RDX: variants seen among roughly 807,000 people sequenced by gnomAD.
RDX encodes the protein radixin.
Under a neutral mutation model 83.7 loss-of-function variants are expected in RDX, and 32 were observed. That is an observed-to-expected ratio of 0.38 (90% CI 0.29 to 0.51). The LOEUF is 0.51. Among genes scored for constraint, RDX ranks in the 20% least tolerant of loss-of-function variants. The probability of loss-of-function intolerance (pLI) is 0.87; values close to 1 mark genes in which losing one functional copy is unlikely to be tolerated. For missense variants in RDX, 600 were observed against 689.9 expected, an observed-to-expected ratio of 0.87 and a Z score of 1.46; for synonymous variants, 229 against 222.7, an observed-to-expected ratio of 1.03 and a Z score of -0.25.
intron 15 of RDX, among the ~76,000 whole-genome samples, chr11:110,190,313 G>A (rs529881720): frequency 1.3e-5 from 2 of 152,258 alleles, no homozygotes; most frequent in South Asian, 4.2e-4. Context: ...TGTGGTGCAT[G>A]CCTGTAATCC....
chr11:110,229,380 A>G (rs1864538760), downstream of RDX: 1 of 152,386 alleles, frequency 6.6e-6, no homozygotes, highest in Non-Finnish European at 1.5e-5. Flanking sequence ...CATGGCTGTG[A>G]TAAAGATTGT....
At position 110,257,850 on chromosome 11, in the gene RDX, A is replaced by C. The variant is rs1859608705; in HGVS notation, c.615T>G (p.Tyr205Ter). 6.2e-7 allele frequency: 1 copy of C among 1,612,624 alleles called. No individual in the cohort carries two copies. Among genetic ancestry groups the C allele is most frequent in the Non-Finnish European group, 8.5e-7 (1 of 1,179,034 alleles). Residue 205 changes from tyrosine (Y) to a stop codon, truncating the protein, a stop_gained, in exon 7 of 14, where the codon TAT becomes TAG. Transcript: ENST00000645495. LOFTEE classifies it high-confidence loss of function. ...AQDLEMYGVN[Y>*]FEIKNKKGTE... Reference sequence around the variant, plus strand: ...TTCCTTTTTTATTTTTTATTTCAAAATAGTTGACTCCATACATTTCTAGAT... The same window carrying C: ...TTCCTTTTTTATTTTTTATTTCAAACTAGTTGACTCCATACATTTCTAGAT...
intron 15 of RDX, chr11:110,185,086 GTCTT>G (rs1196845827): frequency 2.6e-5 from 4 of 152,266 alleles, no homozygotes; most frequent in Admixed American, 1.3e-4. Context: ...TTATTAAAAA[GTCTT>G]TATTTGTGCA....
chr11:110,274,371 T>C (rs540878907), intron 2 of RDX, among the ~76,000 whole-genome samples: 20 of 152,348 alleles, frequency 1.3e-4, no homozygotes, highest in Non-Finnish European at 2.4e-4. Flanking sequence ...CGTAAATATA[T>C]GTATCTGTTT....
chr11:110,176,994 G>A (rs986035895), intron 15 of RDX, among the ~76,000 whole-genome samples: 3 of 152,176 alleles, frequency 2.0e-5, no homozygotes, highest in Admixed American at 1.3e-4. Context: ...CCCTTCCACC[G>A]TGACTGAAGC....
rs185614260 is a variant in RDX, at chr11:110,276,633, A to C, written c.12+3048T>G. ...CATGACTATGGTTTTCTCACTGTAC[A>C]TTGACTTAGATCTCCTTTAATGACT... On this transcript the variant is annotated intron_variant, in intron 2 of 13. Transcript: ENST00000645495. Among the ~76,000 whole-genome samples the C allele has an allele frequency of 1.1e-4, 17 of 152,296 alleles. No homozygotes were observed. The East Asian group carries it at 2.9e-3, about 26-fold the overall frequency.
At chr11:110,223,785 G>T (rs888455446) in intron 14 of RDX, among the ~76,000 whole-genome samples, 8 of 152,126 alleles carry the variant, frequency 5.3e-5, no homozygotes, top group African/African-American at 1.9e-4. Flanking sequence ...AAAAATCTAG[G>T]CTGGGAGCAG....
chr11:110,266,100 G>A (rs1052170002), intron 3 of RDX, among the ~76,000 whole-genome samples: 13 of 151,782 alleles, frequency 8.6e-5, no homozygotes, highest in South Asian at 2.1e-4. Context: ...CGAGGCGGGC[G>A]GATCACAAAG....
chr11:110,295,319 AAAAAAAAAG>A (rs1861402052), intron 1 of RDX, among the ~76,000 whole-genome samples: 1 of 151,470 alleles, frequency 6.6e-6, no homozygotes, highest in African/African-American at 2.4e-5. Flanking sequence ...AAAAAAAAAA[AAAAAAAAAG>A]AAGTATGCTC....
At chr11:110,268,164 C>T (rs1374017281) in intron 3 of RDX, among the ~76,000 whole-genome samples, 4 of 151,650 alleles carry the variant, frequency 2.6e-5, no homozygotes, top group Admixed American at 6.6e-5. Flanking sequence ...AAAAATTAGC[C>T]GGGCATGGTG....
chr11:110,182,584 GAGCC>G (rs1355849777), intron 15 of RDX, among the ~76,000 whole-genome samples: 1 of 152,182 alleles, frequency 6.6e-6, no homozygotes, highest in African/African-American at 2.4e-5. Flanking sequence ...CAGGGTGACA[GAGCC>G]AGCCCCTGTC....
At chr11:110,178,988 T>A (rs1023144463) in intron 15 of RDX, among the ~76,000 whole-genome samples, 1 of 152,096 alleles carries the variant, frequency 6.6e-6, no homozygotes, top group Non-Finnish European at 1.5e-5. Context: ...GAGTTTGGGG[T>A]CCCTGCAAAC....
At chr11:110,227,502 A>G (rs1351018109), downstream of RDX, among the ~76,000 whole-genome samples, 1 of 152,210 alleles carries the variant, frequency 6.6e-6, no homozygotes, top group Non-Finnish European at 1.5e-5. Flanking sequence ...AATAAGTTGC[A>G]CTGATAGAAG....
chr11:110,181,616 A>G (rs1415024305), intron 15 of RDX, among the ~76,000 whole-genome samples: 1 of 152,256 alleles, frequency 6.6e-6, no homozygotes, highest in Non-Finnish European at 1.5e-5. Context: ...GAATGGGGGC[A>G]TGGCCCCTGT....
At chr11:110,290,263 G>GC (rs1348181477) in intron 1 of RDX, among the ~76,000 whole-genome samples, 4 of 152,020 alleles carry the variant, frequency 2.6e-5, no homozygotes, top group Admixed American at 2.0e-4. Flanking sequence ...GGTGGCTCAC[G>GC]CCTGTAATCC....
intron 1 of RDX, among the ~76,000 whole-genome samples, chr11:110,284,956 T>C (rs1185629248): frequency 6.6e-6 from 1 of 152,256 alleles, no homozygotes; most frequent in Admixed American, 6.5e-5. Context: ...AAATTGCTTA[T>C]ACATATCTTT....
chr11:110,279,653 A>G (rs1245967001), intron 2 of RDX, 28 bp downstream of exon 2: 2 of 1,423,390 alleles, frequency 1.4e-6, no homozygotes, highest in Non-Finnish European at 9.9e-7. Context: ...TTATTGAGAC[A>G]CTGTCAAATG....
At chr11:110,268,066 T>C (rs1860132835) in intron 3 of RDX, among the ~76,000 whole-genome samples, 1 of 151,882 alleles carries the variant, frequency 6.6e-6, no homozygotes, top group Admixed American at 6.6e-5. Context: ...TCTCGGCACT[T>C]TGGGAGGCTG....
Position 110,264,210 on chromosome 11 carries a change from C to CT in RDX, c.216dup (p.Glu73ArgfsTer9). Reference sequence around the variant, plus strand: ...CTAAACTTGAACTGTAAAGGATTCTCTTTTTTAACATCCTGCTGTGTTACC... The same window carrying CT: ...CTAAACTTGAACTGTAAAGGATTCTCTTTTTTTAACATCCTGCTGTGTTACC... On this transcript the variant is annotated frameshift_variant, in exon 5 of 14. Coordinates refer to ENST00000645495, the MANE Select transcript of RDX (RefSeq NM_002906.4). LOFTEE classifies it high-confidence loss of function. 2 of 1,607,512 alleles carry CT rather than the reference C, an allele frequency of 1.2e-6. No individual in the cohort carries two copies. The highest frequency in any genetic ancestry group is 8.5e-7 in the Non-Finnish European group (1 of 1,176,626).
Sources: allele counts gnomAD v4.1 joint callset (sites outside exome capture counted in the v4.1 genomes callset), GRCh38; gene constraint gnomAD v4.1.1; transcripts MANE v1.5; gene names NCBI Gene and HGNC (gene_info 2026-07-23, HGNC 2026-07-21).